The following SYT16 variants were observed in gnomAD, a reference collection of about 807,000 sequenced individuals.
The protein encoded by SYT16 is synaptotagmin-16.
SYT16 carries 42 observed loss-of-function variants against 61.4 expected under a neutral mutation model. The observed-to-expected ratio is 0.68, with a 90% CI of 0.53 to 0.89. SYT16 has a LOEUF of 0.89. Among genes scored for constraint, SYT16 ranks in the 40% least tolerant of loss-of-function variants. SYT16 has a pLI of 0.00. For synonymous variants in SYT16, 314 were observed against 302.3 expected, an observed-to-expected ratio of 1.04 and a Z score of -0.40; for missense variants, 804 against 807.3, an observed-to-expected ratio of 1.00 and a Z score of 0.05.
chr14:62,064,734 A>C (rs1389537447), intron 3 of SYT16, among the ~76,000 whole-genome samples: 1 of 152,178 alleles, frequency 6.6e-6, no homozygotes. Flanking sequence ...GCAAGTTATT[A>C]ACCTCATTGT....
At chr14:61,843,523 G>A (rs2046357970) in intron 1 of SYT16, among the ~76,000 whole-genome samples, 1 of 152,108 alleles carries the variant, frequency 6.6e-6, no homozygotes, top group African/African-American at 2.4e-5. Context: ...TCTTGTAGTA[G>A]TTTCATAGTT....
At chr14:61,923,992 G>A (rs940631394) in intron 1 of SYT16, among the ~76,000 whole-genome samples, 8 of 152,108 alleles carry the variant, frequency 5.3e-5, no homozygotes, top group South Asian at 2.1e-4. Context: ...AATCTCAGGC[G>A]AAGTTAATAC....
chr14:61,904,760 C>A (rs1192102651), intron 1 of SYT16, among the ~76,000 whole-genome samples: 2 of 152,182 alleles, frequency 1.3e-5, no homozygotes, highest in African/African-American at 2.4e-5. Context: ...ATTGACTAAG[C>A]CTTTGGCCCA....
At chr14:61,911,989 G>A (rs952945095) in intron 1 of SYT16, among the ~76,000 whole-genome samples, 19 of 152,140 alleles carry the variant, frequency 1.2e-4, no homozygotes, top group Non-Finnish European at 2.4e-4. Context: ...ATAATTGTTG[G>A]GAAGGCATTT....
At chr14:61,983,137 T>TTA (rs1446237261) in intron 2 of SYT16, among the ~76,000 whole-genome samples, 1 of 152,204 alleles carries the variant, frequency 6.6e-6, no homozygotes, top group Admixed American at 6.5e-5. Flanking sequence ...GTCTACGAGT[T>TTA]TATATGCTTA....
At chr14:61,935,128 T>C (rs2049926464) in intron 1 of SYT16, among the ~76,000 whole-genome samples, 1 of 152,140 alleles carries the variant, frequency 6.6e-6, no homozygotes, top group Non-Finnish European at 1.5e-5. Context: ...CCCTCTAATT[T>C]TACTTGGGGG....
At chr14:61,901,864 C>A (rs749721843) in intron 1 of SYT16, among the ~76,000 whole-genome samples, 12 of 151,882 alleles carry the variant, frequency 7.9e-5, no homozygotes, top group Non-Finnish European at 1.5e-4. Flanking sequence ...TGGGTTCAAG[C>A]GATTCTCCTG....
intron 1 of SYT16, among the ~76,000 whole-genome samples, chr14:61,913,930 C>T (rs1159721664): frequency 6.6e-6 from 1 of 152,146 alleles, no homozygotes; most frequent in African/African-American, 2.4e-5. Context: ...ATTAGAGAAG[C>T]TCCAGATTTA....
intron 3 of SYT16, among the ~76,000 whole-genome samples, chr14:62,034,517 G>A (rs1384267858): frequency 2.0e-5 from 3 of 152,030 alleles, no homozygotes; most frequent in Non-Finnish European, 4.4e-5. Flanking sequence ...AATATTACTT[G>A]GCTGTAAAAA....
chr14:61,867,310 G>A (rs145962334), intron 1 of SYT16, among the ~76,000 whole-genome samples: 225 of 151,858 alleles, frequency 1.5e-3, no homozygotes, highest in Non-Finnish European at 3.0e-3. Flanking sequence ...TTTCTTGTTT[G>A]TACGTTAAAA....
chr14:61,829,949 C>T (rs1180098429), intron 1 of SYT16, among the ~76,000 whole-genome samples: 7 of 152,086 alleles, frequency 4.6e-5, no homozygotes, highest in Admixed American at 1.3e-4. Flanking sequence ...CCACCATGCC[C>T]GGCTTTATTG....
chr14:61,999,589 A>G (rs187285419), intron 3 of SYT16, among the ~76,000 whole-genome samples: 2 of 151,078 alleles, frequency 1.3e-5, no homozygotes, highest in African/African-American at 4.9e-5. Context: ...ATTTATCACT[A>G]TTGTTTTTCT....
intron 3 of SYT16, among the ~76,000 whole-genome samples, chr14:62,012,505 A>G (rs997270531): frequency 6.6e-6 from 1 of 152,176 alleles, no homozygotes; most frequent in African/African-American, 2.4e-5. Flanking sequence ...CACCTGTGCT[A>G]TATTCTACTG....
chr14:61,981,096 A>G (rs780693985), intron 2 of SYT16, among the ~76,000 whole-genome samples: 1 of 152,200 alleles, frequency 6.6e-6, no homozygotes, highest in Non-Finnish European at 1.5e-5. Flanking sequence ...TTGCGCTTGC[A>G]GTCTGAAGAC....
At chr14:62,098,586 T>C (rs1475153411) in intron 7 of SYT16, among the ~76,000 whole-genome samples, 1 of 152,154 alleles carries the variant, frequency 6.6e-6, no homozygotes, top group African/African-American at 2.4e-5. Context: ...ATTGCACAAG[T>C]TTGAAAACTT....
intron 3 of SYT16, among the ~76,000 whole-genome samples, chr14:62,023,435 C>G (rs2053985475): frequency 6.6e-6 from 1 of 152,112 alleles, no homozygotes; most frequent in African/African-American, 2.4e-5. Flanking sequence ...CAGCTGCCAG[C>G]TTAGGAATTG....
intron 3 of SYT16, among the ~76,000 whole-genome samples, chr14:62,046,906 C>T (rs947291759): frequency 6.6e-6 from 1 of 152,144 alleles, no homozygotes; most frequent in African/African-American, 2.4e-5. Context: ...CAGCTTTGCT[C>T]TTTTGGCTTA....
intron 3 of SYT16, among the ~76,000 whole-genome samples, chr14:61,999,017 A>G (rs754616848): frequency 2.2e-4 from 33 of 151,834 alleles, no homozygotes; most frequent in Non-Finnish European, 2.2e-4. Flanking sequence ...ATGTTATGGT[A>G]TTCTTTTAAT....
intron 1 of SYT16, among the ~76,000 whole-genome samples, chr14:61,890,466 C>T (rs998499890): frequency 7.0e-6 from 1 of 143,508 alleles, no homozygotes; most frequent in Non-Finnish European, 1.5e-5. Context: ...GTTGGGTGGT[C>T]TTAAATATAG....
Sources: gnomAD v4.1 joint callset for allele counts (sites outside exome capture counted in the v4.1 genomes callset) on GRCh38, gnomAD v4.1.1 for gene constraint, MANE v1.5 for transcripts, NCBI Gene and HGNC (gene_info 2026-07-23, HGNC 2026-07-21) for gene names.